C13orf46: variants seen among roughly 807,000 people sequenced by gnomAD.
The protein encoded by C13orf46 is chromosome 13 open reading frame 46, also known as uncharacterized protein C13orf46.
At chr13:113,929,985 A>T in the C13orf46 span, among the ~76,000 whole-genome samples, 20 of 152,330 alleles carry the variant, frequency 1.3e-4, no homozygotes, top group East Asian at 3.7e-3. Flanking sequence ...AAGTGGACTT[A>T]CGTGGACAAA....
the C13orf46 span, chr13:113,926,608 A>G: frequency 2.3e-4 from 35 of 152,224 alleles, no homozygotes; most frequent in African/African-American, 8.2e-4. Flanking sequence ...AGGATGGGGA[A>G]GGAATGAGGA....
chr13:113,972,035 C>T (rs368496003), intron 1 of C13orf46, among the ~76,000 whole-genome samples: 3 of 152,300 alleles, frequency 2.0e-5, no homozygotes, highest in East Asian at 3.9e-4. Flanking sequence ...AGAAGCCCGG[C>T]CTCCCTGCTG....
the C13orf46 span, among the ~76,000 whole-genome samples, chr13:113,940,124 G>A: frequency 6.6e-6 from 1 of 152,242 alleles, no homozygotes; most frequent in Non-Finnish European, 1.5e-5. Flanking sequence ...CCCCAGGGGC[G>A]GGGGCTGCGC....
chr13:113,932,515 A>T, the C13orf46 span, among the ~76,000 whole-genome samples: 1 of 152,208 alleles, frequency 6.6e-6, no homozygotes, highest in African/African-American at 2.4e-5. Flanking sequence ...CTGTCTGTTA[A>T]TATAGCTTCT....
chr13:113,947,667 G>A, the C13orf46 span, among the ~76,000 whole-genome samples: 7 of 152,104 alleles, frequency 4.6e-5, no homozygotes, highest in African/African-American at 7.2e-5. Context: ...CTGCGGCCCC[G>A]GGTGTCCATT....
intron 6 of C13orf46, among the ~76,000 whole-genome samples, chr13:113,957,041 G>A (rs1249131313): frequency 6.6e-6 from 1 of 151,986 alleles, no homozygotes; most frequent in Non-Finnish European, 1.5e-5. Context: ...AGTGCACTGG[G>A]GGGTCTCCCC....
At chr13:113,945,659 AGAAAGAAAGAAAG>A in the C13orf46 span, among the ~76,000 whole-genome samples, 6 of 138,538 alleles carry the variant, frequency 4.3e-5, no homozygotes, top group South Asian at 2.2e-4. Context: ...AAAGAAAGAA[AGAAAGAAAGAAAG>A]GAAAGAAAAA....
downstream of C13orf46, among the ~76,000 whole-genome samples, chr13:113,949,068 T>C (rs2052479759): frequency 6.6e-6 from 1 of 152,132 alleles, no homozygotes; most frequent in Admixed American, 6.5e-5. Flanking sequence ...GGCCAGAGAT[T>C]GAGTTTGTGT....
chr13:113,935,239 G>A, the C13orf46 span, among the ~76,000 whole-genome samples: 20 of 152,342 alleles, frequency 1.3e-4, no homozygotes, highest in Admixed American at 5.2e-4. Context: ...GCAGTGACTC[G>A]GCCCCCGGCG....
chr13:113,940,393 G>T, the C13orf46 span, among the ~76,000 whole-genome samples: 27 of 152,268 alleles, frequency 1.8e-4, no homozygotes, highest in Non-Finnish European at 3.2e-4. Context: ...CACCCAGACA[G>T]AAGACGCAGG....
chr13:113,972,438 T>C (rs1323548746), intron 1 of C13orf46, among the ~76,000 whole-genome samples: 1 of 152,192 alleles, frequency 6.6e-6, no homozygotes, highest in Non-Finnish European at 1.5e-5. Flanking sequence ...CCGGGCTGTC[T>C]CACTTCCACG....
At chr13:113,929,052 C>T in the C13orf46 span, among the ~76,000 whole-genome samples, 8 of 152,246 alleles carry the variant, frequency 5.3e-5, no homozygotes, top group Non-Finnish European at 1.0e-4. Context: ...AGGTAATAAC[C>T]GCCACGGCCT....
chr13:113,960,887 T>C (rs937086612), intron 6 of C13orf46, among the ~76,000 whole-genome samples: 199 of 152,380 alleles, frequency 1.3e-3, no homozygotes, highest in African/African-American at 4.5e-3. Flanking sequence ...TACCTTTTGG[T>C]AACTGGCTTA....
At chr13:113,927,575 G>A in the C13orf46 span, 4 of 398,514 alleles carry the variant, frequency 1.0e-5, no homozygotes, top group African/African-American at 4.1e-5. Flanking sequence ...CTGATGGAGC[G>A]ACCGTCTACA....
chr13:113,971,303 G>A (rs1464542707), intron 1 of C13orf46, among the ~76,000 whole-genome samples: 3 of 152,234 alleles, frequency 2.0e-5, no homozygotes, highest in Non-Finnish European at 4.4e-5. Flanking sequence ...AGTCACATGG[G>A]CCACTCCAGG....
chr13:113,958,629 C>T (rs1315728835), intron 6 of C13orf46, among the ~76,000 whole-genome samples: 4 of 152,238 alleles, frequency 2.6e-5, no homozygotes, highest in East Asian at 1.9e-4. Flanking sequence ...AGAAACACGG[C>T]GTGGGGCAAT....
intron 2 of C13orf46, among the ~76,000 whole-genome samples, chr13:113,969,701 A>G (rs1274941500): frequency 3.9e-5 from 6 of 152,236 alleles, no homozygotes; most frequent in African/African-American, 1.4e-4. Flanking sequence ...GAGCTGGGTT[A>G]GAACGGGACG....
At chr13:113,939,400 C>A in the C13orf46 span, among the ~76,000 whole-genome samples, 521 of 151,886 alleles carry the variant, frequency 3.4e-3, 1 homozygote, top group African/African-American at 0.012. Context: ...AGAGACCACC[C>A]GATGGGGAGG....
At chr13:113,952,946 G>C (rs1023260496), downstream of C13orf46, among the ~76,000 whole-genome samples, 84,678 of 152,082 alleles carry the variant, frequency 0.56, 25,690 homozygotes, top group Non-Finnish European at 0.68. Flanking sequence ...AGCTGCTCTC[G>C]GGCTCTGCGG....
Sources: gnomAD v4.1 joint callset for allele counts (sites outside exome capture counted in the v4.1 genomes callset) on GRCh38, gnomAD v4.1.1 for gene constraint, MANE v1.5 for transcripts, NCBI Gene and HGNC (gene_info 2026-07-23, HGNC 2026-07-21) for gene names.